Variants in RIN3 observed in about 807,000 individuals in gnomAD.
RIN3 encodes Ras and Rab interactor 3, also known as RAB5 interacting protein 3.
RIN3 carries 54 observed loss-of-function variants against 76.3 expected under a neutral mutation model. That is an observed-to-expected ratio of 0.71 (90% CI 0.57 to 0.89). The LOEUF (loss-of-function observed/expected upper bound fraction) is 0.89, where lower values mean the gene tolerates loss of function less well. Among genes scored for constraint, RIN3 ranks in the 40% least tolerant of loss-of-function variants. The pLI is 0.00. For synonymous variants in RIN3, 576 were observed against 564.0 expected (o/e 1.02, Z -0.30); for missense variants, 1,256 against 1,322.1 (o/e 0.95, Z 0.78).
In RIN3 at chr14:92,615,387, C is replaced by T; in HGVS notation, c.368-20C>T. 6.2e-7 allele frequency: 1 copy of T among 1,611,264 alleles called. No homozygotes were observed. Among genetic ancestry groups the T allele is most frequent in the South Asian group, 1.1e-5 (1 of 91,016 alleles). Reference sequence around the variant, plus strand: ...GGCAGGATACTCACCTCACCCAGGGCCCTTCTTGTGTCTCCCCAGTATTGT... The same window carrying T: ...GGCAGGATACTCACCTCACCCAGGGTCCTTCTTGTGTCTCCCCAGTATTGT... On this transcript the variant is annotated intron_variant, in intron 3 of 9. Transcript: ENST00000216487.
chr14:92,595,348 A>G lies in RIN3; in HGVS notation c.367+17871A>G, dbSNP rs140217929. On this transcript the variant is annotated intron_variant, in intron 3 of 9. Coordinates refer to ENST00000216487, the MANE Select transcript of RIN3 (RefSeq NM_024832.5). ...GGGCAAGAGTGGAAGAAACAAGACAAAGAGCCTTTGCAAGTGCTTTATTGT... is the reference window on the plus strand; with the variant it reads ...GGGCAAGAGTGGAAGAAACAAGACAGAGAGCCTTTGCAAGTGCTTTATTGT... Among the ~76,000 whole-genome samples, 486 of 152,330 alleles carry G rather than the reference A, an allele frequency of 3.2e-3. 1 individual carries two copies. Among genetic ancestry groups the G allele is most frequent in the African/African-American group, 0.011 (463 of 41,568 alleles).
At chr14:92,600,317 A>G (rs1415069797) in intron 3 of RIN3, among the ~76,000 whole-genome samples, 1 of 152,206 alleles carries the variant, frequency 6.6e-6, no homozygotes, top group Non-Finnish European at 1.5e-5. Context: ...GTGCCCTAAC[A>G]CGCACCCTCT....
intron 2 of RIN3, among the ~76,000 whole-genome samples, chr14:92,572,700 G>A (rs1343192788): frequency 6.6e-6 from 1 of 152,046 alleles, no homozygotes; most frequent in Non-Finnish European, 1.5e-5. Context: ...AGAGAGGGGC[G>A]GTGGTGGTTG....
chr14:92,658,396 C>G (rs1377298840), intron 6 of RIN3, among the ~76,000 whole-genome samples: 1 of 152,234 alleles, frequency 6.6e-6, no homozygotes, highest in Non-Finnish European at 1.5e-5. Context: ...GCATGGGGAG[C>G]AAGCAAAGCA....
intron 3 of RIN3, among the ~76,000 whole-genome samples, chr14:92,613,927 G>A (rs1885848634): frequency 6.6e-6 from 1 of 152,224 alleles, no homozygotes. Flanking sequence ...TGAGTGTGAG[G>A]ATGAGTCAGG....
chr14:92,578,185 A>G (rs1898313260), intron 3 of RIN3, among the ~76,000 whole-genome samples: 1 of 151,306 alleles, frequency 6.6e-6, no homozygotes, highest in Non-Finnish European at 1.5e-5. Context: ...GCAGTGAGCT[A>G]TGATTGTGCT....
intron 1 of RIN3, among the ~76,000 whole-genome samples, chr14:92,542,733 A>G (rs1055766768): frequency 6.6e-5 from 10 of 152,368 alleles, no homozygotes; most frequent in African/African-American, 2.2e-4. Context: ...GCTTGGCAAT[A>G]AAAAGAAGTG....
intron 3 of RIN3, among the ~76,000 whole-genome samples, chr14:92,603,202 A>G (rs185306829): frequency 1.0e-3 from 153 of 152,242 alleles, no homozygotes; most frequent in Non-Finnish European, 1.6e-3. Context: ...GGAAACATAC[A>G]AACTCCAGGG....
intron 5 of RIN3, among the ~76,000 whole-genome samples, chr14:92,650,295 A>T (rs760638791): frequency 7.9e-5 from 12 of 152,088 alleles, no homozygotes; most frequent in South Asian, 4.1e-4. Context: ...TCACTCCCCA[A>T]TCCGGTGACA....
Position 92,688,308 on chromosome 14 carries a change from G to A in RIN3, c.*56G>A. 2 of 1,447,062 alleles carry A rather than the reference G, an allele frequency of 1.4e-6. No homozygotes were observed. The highest frequency in any genetic ancestry group is 2.5e-5 in the East Asian group (1 of 40,456). 89.6% of individuals were successfully genotyped at this position (1,447,062 alleles called of 1,614,324 possible). Reference sequence around the variant, plus strand: ...AGGCGCACGTCTGGCCCCGCCTCTGGCTGCGCACTCCCGACCGCGACGTCC... The same window carrying A: ...AGGCGCACGTCTGGCCCCGCCTCTGACTGCGCACTCCCGACCGCGACGTCC... On this transcript the variant is annotated 3_prime_UTR_variant, in exon 10 of 10. Coordinates refer to ENST00000216487, the MANE Select transcript of RIN3 (RefSeq NM_024832.5).
chr14:92,565,328 A>G (rs1897889226), intron 2 of RIN3, among the ~76,000 whole-genome samples: 1 of 152,218 alleles, frequency 6.6e-6, no homozygotes, highest in South Asian at 2.1e-4. Flanking sequence ...TGGGGAAGGA[A>G]GTGTTACCAG....
At chr14:92,639,658 G>A (rs1368960273) in intron 4 of RIN3, among the ~76,000 whole-genome samples, 1 of 152,218 alleles carries the variant, frequency 6.6e-6, no homozygotes, top group Non-Finnish European at 1.5e-5. Flanking sequence ...TCAGCACACA[G>A]TGTCTTCAAC....
At chr14:92,600,667 T>C (rs915626091) in intron 3 of RIN3, among the ~76,000 whole-genome samples, 2 of 152,156 alleles carry the variant, frequency 1.3e-5, no homozygotes, top group African/African-American at 4.8e-5. Context: ...GGCAGCACAC[T>C]AGGTGTTGGC....
At chr14:92,580,775 C>T (rs544691993) in intron 3 of RIN3, among the ~76,000 whole-genome samples, 10 of 152,186 alleles carry the variant, frequency 6.6e-5, no homozygotes, top group East Asian at 1.9e-4. Context: ...CTTGTGGTCC[C>T]GTCTTCCTGC....
chr14:92,660,213 C>G (rs1295873663), intron 7 of RIN3, among the ~76,000 whole-genome samples: 3 of 152,236 alleles, frequency 2.0e-5, no homozygotes, highest in Admixed American at 2.0e-4. Context: ...GGACAAGTAT[C>G]TGATCTGGAT....
rs1400546785 is a variant in RIN3, at chr14:92,681,849, TTTAA to T, written c.2468-3135_2468-3132del. On this transcript the variant is annotated intron_variant, in intron 8 of 9. Coordinates refer to ENST00000216487, the MANE Select transcript of RIN3 (RefSeq NM_024832.5). The surrounding 1 kb of genome is among the most constrained non-coding windows in gnomAD (Gnocchi z 4.7). ...ACACCAAGGCAACCTCTGTGGTAGC[TTTAA>T]TTTAGTTTTTTCAAAAAATGTCTCT... Among the ~76,000 whole-genome samples, 5 of 152,192 alleles carry T rather than the reference TTTAA, an allele frequency of 3.3e-5. No homozygotes were observed. The highest frequency in any genetic ancestry group is 6.5e-5 in the Admixed American group (1 of 15,282).
intron 2 of RIN3, among the ~76,000 whole-genome samples, chr14:92,557,864 A>C (rs1252277195): frequency 2.6e-5 from 4 of 152,208 alleles, no homozygotes; most frequent in Non-Finnish European, 4.4e-5. Context: ...GCCCAAGGGG[A>C]AAATTTTTGA....
intron 5 of RIN3, among the ~76,000 whole-genome samples, chr14:92,646,783 G>T (rs1887217611): frequency 6.6e-6 from 1 of 152,210 alleles, no homozygotes. Flanking sequence ...AAAGGCTGAG[G>T]ATGAAAACCA....
chr14:92,569,446 G>A (rs1898003037), intron 2 of RIN3, among the ~76,000 whole-genome samples: 1 of 152,202 alleles, frequency 6.6e-6, no homozygotes, highest in South Asian at 2.1e-4. Flanking sequence ...CAAGAACACG[G>A]AGGCTCAGAG....
Sources: gnomAD v4.1 joint callset for allele counts (sites outside exome capture counted in the v4.1 genomes callset) on GRCh38, gnomAD v4.1.1 for gene constraint, Gnocchi (gnomAD v3.1) non-coding constraint, MANE v1.5 for transcripts, NCBI Gene and HGNC (gene_info 2026-07-23, HGNC 2026-07-21) for gene names.